The following RAB6B variants were observed in gnomAD, a reference collection of about 807,000 sequenced individuals.
RAB6B encodes RAB6B, member RAS oncogene family.
Under a neutral mutation model 31.2 loss-of-function variants are expected in RAB6B, and 7 were observed. The ratio of observed to expected loss-of-function variants is 0.22; its 90% CI spans 0.13 to 0.42. The LOEUF (loss-of-function observed/expected upper bound fraction) is 0.42. RAB6B is among the 10% of genes least tolerant of loss of function. The pLI is 1.00. For synonymous variants in RAB6B, 105 were observed against 104.9 expected (o/e 1.00, Z -0.01); for missense variants, 149 against 280.6 (o/e 0.53, Z 3.35).
intron 2 of RAB6B, among the ~76,000 whole-genome samples, chr3:133,852,306 T>C (rs1234797770): frequency 6.6e-6 from 1 of 152,172 alleles, no homozygotes; most frequent in Non-Finnish European, 1.5e-5. Flanking sequence ...GTAAGCCAGA[T>C]TATGCTGGCA....
Position 133,834,583 on chromosome 3 carries a change from T to C in RAB6B, c.554A>G (p.Lys185Arg), listed in dbSNP as rs773423094. ...TCAAAGGAAAAGGATACTCCCTTCT[T>C]TGCTTTTCTCCTGGACATTCTCCAT... ...PGMENVQEKSKEGMIDIKLDK... is the reference protein window; with the variant it reads ...PGMENVQEKSREGMIDIKLDK... Residue 185 changes from lysine (K) to arginine (R), a missense_variant, in exon 7 of 8, where the codon AAA becomes AGA. Lys to Arg is a conservative substitution (Grantham distance 26). Around this residue, in one of 2 missense-constraint regions of RAB6B, gnomAD observed 74 missense variants for 100.5 expected, o/e 0.74. Coordinates refer to ENST00000285208, the MANE Select transcript of RAB6B (RefSeq NM_016577.4). The C allele has an allele frequency of 2.8e-5, 45 of 1,613,166 alleles. No individual in the cohort carries two copies. The highest frequency in any genetic ancestry group is 3.8e-5 in the Non-Finnish European group (45 of 1,179,066).
chr3:133,870,867 TG>T (rs1936314016), intron 1 of RAB6B, among the ~76,000 whole-genome samples: 1 of 152,240 alleles, frequency 6.6e-6, no homozygotes, highest in Non-Finnish European at 1.5e-5. Context: ...TGCACATCCA[TG>T]GGGATGTCCA....
chr3:133,861,419 C>T (rs896328645), intron 2 of RAB6B, among the ~76,000 whole-genome samples: 1 of 152,116 alleles, frequency 6.6e-6, no homozygotes, highest in Non-Finnish European at 1.5e-5. Context: ...AGGTAGAAGA[C>T]CTGCTCCCCT....
At chr3:133,882,340 C>T (rs1936480209) in intron 1 of RAB6B, among the ~76,000 whole-genome samples, 1 of 152,222 alleles carries the variant, frequency 6.6e-6, no homozygotes, top group Non-Finnish European at 1.5e-5. Flanking sequence ...ATCACCTTTG[C>T]CACACTATAT....
intron 2 of RAB6B, among the ~76,000 whole-genome samples, chr3:133,849,827 A>G (rs1289015969): frequency 1.3e-5 from 2 of 152,350 alleles, no homozygotes; most frequent in African/African-American, 4.8e-5. Context: ...CATTTCCCAG[A>G]AGAGAAAAGT....
intron 1 of RAB6B, among the ~76,000 whole-genome samples, chr3:133,887,603 A>C (rs1383993555): frequency 6.6e-6 from 1 of 152,198 alleles, no homozygotes; most frequent in Non-Finnish European, 1.5e-5. Flanking sequence ...CCACTGGCCC[A>C]AGGGGTCACC....
At position 133,852,119 on chromosome 3, in the gene RAB6B, A is replaced by G. The variant is rs116806676; in HGVS notation, c.130-10456T>C. Among the ~76,000 whole-genome samples the G allele has an allele frequency of 6.4e-3, 974 of 152,346 alleles. 14 individuals are homozygous for G. The highest frequency in any genetic ancestry group is 0.022 in the African/African-American group (931 of 41,572). On this transcript the variant is annotated intron_variant, in intron 2 of 7. Coordinates refer to ENST00000285208, the MANE Select transcript of RAB6B (RefSeq NM_016577.4). ...GCTTACCAGCCAATACAAGATTGCC[A>G]AGCATCAAAGCCAATGGTGCTCCTG...
rs1402797646 is a variant in RAB6B at position 133,825,447 on chromosome 3, T to C, written c.*3341A>G. On this transcript the variant is annotated 3_prime_UTR_variant, in exon 8 of 8. Coordinates refer to ENST00000285208, the MANE Select transcript of RAB6B (RefSeq NM_016577.4). ...CCTCAGACCTGGGAACATGACTGAA[T>C]GTTTAAGGATGACAAGAAGAGAGCA... 6.6e-6 allele frequency: 1 copy of C among 152,174 alleles called. No homozygotes were observed. Among genetic ancestry groups the C allele is most frequent in the Non-Finnish European group, 1.5e-5 (1 of 68,034 alleles). The allele number at this position is 152,174 out of a possible 1,614,324, so 9.4% of individuals were successfully genotyped here. A position where few individuals can be genotyped will look rare whatever the true frequency, so the allele number is the denominator to read the frequency against.
intron 6 of RAB6B, among the ~76,000 whole-genome samples, chr3:133,835,451 G>C (rs1935720312): frequency 6.7e-6 from 1 of 149,550 alleles, no homozygotes; most frequent in African/African-American, 2.5e-5. Flanking sequence ...TAAGGTGTGT[G>C]TCTGCGTACA....
At chr3:133,868,764 C>T (rs927430188) in intron 1 of RAB6B, among the ~76,000 whole-genome samples, 1 of 152,096 alleles carries the variant, frequency 6.6e-6, no homozygotes, top group Non-Finnish European at 1.5e-5. Context: ...TGAGCATTTA[C>T]CAGGAGATGC....
chr3:133,860,817 G>C (rs991357261), intron 2 of RAB6B, among the ~76,000 whole-genome samples: 1 of 152,228 alleles, frequency 6.6e-6, no homozygotes, highest in Non-Finnish European at 1.5e-5. Flanking sequence ...GGGACAGCCC[G>C]TTAAGTCAGT....
intron 1 of RAB6B, among the ~76,000 whole-genome samples, chr3:133,872,823 T>C (rs548851778): frequency 5.9e-5 from 9 of 152,290 alleles, no homozygotes; most frequent in Admixed American, 2.6e-4. Context: ...TAATTAAGTG[T>C]GTTAATTCCC....
intron 2 of RAB6B, among the ~76,000 whole-genome samples, chr3:133,847,291 G>A (rs2107994402): frequency 6.6e-6 from 1 of 152,358 alleles, no homozygotes; most frequent in South Asian, 2.1e-4. Flanking sequence ...TGAGACTGCA[G>A]TCAAGATTCA....
At position 133,854,951 on chromosome 3, in the gene RAB6B, T is replaced by C. The variant is rs187173527; in HGVS notation, c.129+9633A>G. ...AAATCTGCATGGTAATTTGCATAAA[T>C]TGACTCAAGATTCTCTTCTCAGGAA... is the stretch of plus-strand genomic sequence containing the variant. On this transcript the variant is annotated intron_variant, in intron 2 of 7. Coordinates refer to ENST00000285208, the MANE Select transcript of RAB6B (RefSeq NM_016577.4). 3.1e-3 allele frequency among the ~76,000 whole-genome samples: 466 copies of C among 152,372 alleles called. 4 individuals carry two copies. The highest frequency in any genetic ancestry group is 5.1e-3 in the Non-Finnish European group (347 of 68,032).
At chr3:133,892,766 A>G (rs1936653918) in intron 1 of RAB6B, among the ~76,000 whole-genome samples, 2 of 152,296 alleles carry the variant, frequency 1.3e-5, no homozygotes, top group South Asian at 4.1e-4. Context: ...ATATAAAAAG[A>G]GCGAGCCAGG....
chr3:133,893,542 A>C (rs750129859), intron 1 of RAB6B, among the ~76,000 whole-genome samples: 1 of 152,214 alleles, frequency 6.6e-6, no homozygotes, highest in Non-Finnish European at 1.5e-5. Flanking sequence ...CTCACCAGAG[A>C]CACTTTCTTC....
intron 1 of RAB6B, among the ~76,000 whole-genome samples, chr3:133,894,212 C>G (rs1936675839): frequency 6.6e-6 from 1 of 152,218 alleles, no homozygotes; most frequent in African/African-American, 2.4e-5. Context: ...AGAGGCAGAG[C>G]TGGGGTCCTG....
At chr3:133,851,826 G>A (rs1200937632) in intron 2 of RAB6B, among the ~76,000 whole-genome samples, 1 of 152,184 alleles carries the variant, frequency 6.6e-6, no homozygotes, top group Non-Finnish European at 1.5e-5. Context: ...TAAATCATGG[G>A]CTTTGGGTGA....
chr3:133,831,424 A>G (rs1374530924), intron 7 of RAB6B, among the ~76,000 whole-genome samples: 1 of 152,226 alleles, frequency 6.6e-6, no homozygotes, highest in Non-Finnish European at 1.5e-5. Flanking sequence ...CAAGGATGCT[A>G]GTGCAAGTGA....
Sources: allele counts gnomAD v4.1 joint callset (sites outside exome capture counted in the v4.1 genomes callset), GRCh38; gene constraint gnomAD v4.1.1; regional missense constraint gnomAD v4.1.1; transcripts MANE v1.5; gene names NCBI Gene and HGNC (gene_info 2026-07-23, HGNC 2026-07-21).